IGF2BP2: variants seen among roughly 807,000 people sequenced by gnomAD.
IGF2BP2 encodes the protein insulin-like growth factor 2 mRNA-binding protein 2.
IGF2BP2 carries 17 observed loss-of-function variants against 75.8 expected under a neutral mutation model. The observed-to-expected ratio is 0.22, with a 90% CI of 0.15 to 0.34. The LOEUF (loss-of-function observed/expected upper bound fraction) is 0.34, where lower values mean the gene tolerates loss of function less well. Among genes scored for constraint, IGF2BP2 ranks in the 10% least tolerant of loss-of-function variants. The pLI, the probability that IGF2BP2 is intolerant of heterozygous loss-of-function variation, is 1.00. For missense variants in IGF2BP2, 516 were observed against 772.4 expected (o/e 0.67, Z 3.93); for synonymous variants, 288 against 295.6 (o/e 0.97, Z 0.26).
At chr3:185,716,436 T>A (rs766358030) in intron 2 of IGF2BP2, 12 of 511,424 alleles carry the variant, frequency 2.3e-5, no homozygotes, top group Admixed American at 2.2e-4. Flanking sequence ...TCTTTCCATA[T>A]TCAGCAGAAA....
intron 13 of IGF2BP2, among the ~76,000 whole-genome samples, chr3:185,651,857 G>T (rs1714660767): frequency 6.6e-6 from 1 of 152,156 alleles, no homozygotes; most frequent in African/African-American, 2.4e-5. Flanking sequence ...GGGGCCACTC[G>T]AACTGGGCAC....
chr3:185,800,688 G>C (rs1341360130), intron 2 of IGF2BP2, among the ~76,000 whole-genome samples: 1 of 130,152 alleles, frequency 7.7e-6, no homozygotes, highest in Non-Finnish European at 1.6e-5. Context: ...AGTGAGCTGA[G>C]AAGTTGCCAC....
chr3:185,818,688 T>C (rs1267642110), intron 2 of IGF2BP2, among the ~76,000 whole-genome samples: 4 of 152,188 alleles, frequency 2.6e-5, no homozygotes, highest in African/African-American at 9.7e-5. Flanking sequence ...GAGGGTTTCA[T>C]AGAGGACTTG....
At chr3:185,664,774 CAA>C (rs1009588250) in intron 10 of IGF2BP2, among the ~76,000 whole-genome samples, 25 of 152,028 alleles carry the variant, frequency 1.6e-4, no homozygotes, top group African/African-American at 6.0e-4. Flanking sequence ...TGGACAGACA[CAA>C]AGAGTAGAGT....
At chr3:185,768,779 C>T (rs1733452475) in intron 2 of IGF2BP2, among the ~76,000 whole-genome samples, 1 of 152,222 alleles carries the variant, frequency 6.6e-6, no homozygotes, top group Non-Finnish European at 1.5e-5. Flanking sequence ...CGCCTGTCAT[C>T]CCAGCACTTT....
intron 2 of IGF2BP2, among the ~76,000 whole-genome samples, chr3:185,790,763 A>T (rs1736537168): frequency 1.3e-5 from 2 of 152,250 alleles, no homozygotes; most frequent in Non-Finnish European, 2.9e-5. Flanking sequence ...TAGAAAACTC[A>T]GAAAATTAAT....
chr3:185,824,917 G>T lies in IGF2BP2; in HGVS notation c.44C>A (p.Thr15Asn). 2 of 1,568,266 alleles carry T rather than the reference G, an allele frequency of 1.3e-6. No homozygotes were observed. ...LYIGNLSPAV[T>N]ADDLRQLFGD... Reference sequence around the variant, plus strand: ...AAAGAGCTGCCGGAGGTCGTCGGCGGTGACGGCGGGGCTCAGGTTCCCGAT... The same window carrying T: ...AAAGAGCTGCCGGAGGTCGTCGGCGTTGACGGCGGGGCTCAGGTTCCCGAT... The change falls in exon 1 of 16, where the codon ACC (threonine) becomes AAC (asparagine). Residue 15 changes from threonine (T) to asparagine (N), a missense_variant. Transcript: ENST00000382199.
chr3:185,818,151 A>G (rs1376046752), intron 2 of IGF2BP2, among the ~76,000 whole-genome samples: 7 of 152,216 alleles, frequency 4.6e-5, no homozygotes, highest in African/African-American at 1.7e-4. Flanking sequence ...TATGCAAAAT[A>G]CCATATTGCT....
chr3:185,654,109 G>A (rs577095768), intron 12 of IGF2BP2, among the ~76,000 whole-genome samples: 2 of 152,296 alleles, frequency 1.3e-5, no homozygotes, highest in South Asian at 4.1e-4. Context: ...CTGGAAGGAG[G>A]GGCCCCTTCA....
At chr3:185,686,074 A>G (rs1721084829) in intron 7 of IGF2BP2, among the ~76,000 whole-genome samples, 1 of 152,248 alleles carries the variant, frequency 6.6e-6, no homozygotes, top group Admixed American at 6.5e-5. Flanking sequence ...GTGGAATCCT[A>G]TAATTACTTC....
chr3:185,806,281 G>A (rs1274775523), intron 2 of IGF2BP2, among the ~76,000 whole-genome samples: 1 of 152,186 alleles, frequency 6.6e-6, no homozygotes, highest in African/African-American at 2.4e-5. Context: ...GCACACAAAA[G>A]AGGTGGGAAA....
At chr3:185,696,062 C>T (rs1444897194) in intron 4 of IGF2BP2, among the ~76,000 whole-genome samples, 1 of 152,170 alleles carries the variant, frequency 6.6e-6, no homozygotes, top group Non-Finnish European at 1.5e-5. Context: ...GCTGGGATTA[C>T]AGGTATGAGC....
In IGF2BP2 at chr3:185,752,361, G is replaced by C. The variant is rs560908641; in HGVS notation, c.240-54014C>G. On this transcript the variant is annotated intron_variant, in intron 2 of 15. Coordinates refer to ENST00000382199, the MANE Select transcript of IGF2BP2 (RefSeq NM_006548.6). Reference sequence around the variant, plus strand: ...ATTTGTGAACAGACTTTCTTAATCAGAGAAAAAAACATTTAAATTACTTAA... The same window carrying C: ...ATTTGTGAACAGACTTTCTTAATCACAGAAAAAAACATTTAAATTACTTAA... Among the ~76,000 whole-genome samples, 4 of 152,048 alleles carry C rather than the reference G, an allele frequency of 2.6e-5. No homozygotes were observed. The South Asian group carries it at 6.2e-4, about 24-fold the overall frequency.
intron 2 of IGF2BP2, among the ~76,000 whole-genome samples, chr3:185,820,540 C>A (rs547251684): frequency 6.6e-6 from 1 of 151,954 alleles, no homozygotes. Flanking sequence ...ATAAAACATA[C>A]GCTGCAAAAA....
At chr3:185,697,158 T>C (rs1299217296) in intron 3 of IGF2BP2, among the ~76,000 whole-genome samples, 1 of 152,260 alleles carries the variant, frequency 6.6e-6, no homozygotes, top group Non-Finnish European at 1.5e-5. Flanking sequence ...TGGAGTGCAG[T>C]GGCACCATCT....
chr3:185,729,225 A>G (rs1727799619), intron 2 of IGF2BP2, among the ~76,000 whole-genome samples: 1 of 152,322 alleles, frequency 6.6e-6, no homozygotes. Context: ...ATGTCTCAGG[A>G]AAGGCAACTG....
chr3:185,772,255 T>C (rs994016716), intron 2 of IGF2BP2, among the ~76,000 whole-genome samples: 1 of 152,208 alleles, frequency 6.6e-6, no homozygotes, highest in African/African-American at 2.4e-5. Context: ...TGCTGAATAA[T>C]GAATACTGTG....
rs1238636394 is a variant in IGF2BP2, at chr3:185,644,374, A to G, written c.*1157T>C. 1 of 152,490 alleles carries G rather than the reference A, an allele frequency of 6.6e-6. No individual in the cohort carries two copies. Among genetic ancestry groups the G allele is most frequent in the Non-Finnish European group, 1.5e-5 (1 of 68,022 alleles). The allele number at this position is 152,490 out of a possible 1,614,324, so 9.4% of individuals were successfully genotyped here. On this transcript the variant is annotated 3_prime_UTR_variant, in exon 16 of 16. Transcript: ENST00000382199. ...GAATATTGATGGCTTATACACCAAA[A>G]TGCAAAAAGACAAAATACATTCTTT... is the stretch of plus-strand genomic sequence containing the variant.
chr3:185,813,649 A>G (rs1740209281), intron 2 of IGF2BP2, among the ~76,000 whole-genome samples: 1 of 152,252 alleles, frequency 6.6e-6, no homozygotes, highest in African/African-American at 2.4e-5. Flanking sequence ...CAAATTTTCA[A>G]CCACTTACAA....
Sources: gnomAD v4.1 joint callset for allele counts (sites outside exome capture counted in the v4.1 genomes callset) on GRCh38, gnomAD v4.1.1 for gene constraint, MANE v1.5 for transcripts, NCBI Gene and HGNC (gene_info 2026-07-23, HGNC 2026-07-21) for gene names.